The following SLC6A20 variants were observed in gnomAD, a reference collection of about 807,000 sequenced individuals.
SLC6A20 encodes the protein sodium- and chloride-dependent transporter XTRP3.
In SLC6A20, 73 loss-of-function variants were observed where a neutral mutation model predicts 64.3. The ratio of observed to expected loss-of-function variants is 1.14; its 90% CI spans 0.94 to 1.38. SLC6A20 has a LOEUF of 1.38. Among genes scored for constraint, SLC6A20 ranks in the 40% most tolerant of loss-of-function variants. SLC6A20 has a pLI of 0.00. For synonymous variants in SLC6A20, 347 were observed against 329.6 expected (o/e 1.05, Z -0.57); for missense variants, 725 against 772.8 (o/e 0.94, Z 0.73).
chr3:45,762,099 C>T (rs944854285), intron 9 of SLC6A20, among the ~76,000 whole-genome samples: 1 of 152,204 alleles, frequency 6.6e-6, no homozygotes, highest in African/African-American at 2.4e-5. Context: ...GTGCCTCAGG[C>T]CCCCTGGACA....
chr3:45,779,928 C>T, intron 3 of SLC6A20, 81 bp downstream of exon 3: 1 of 1,459,180 alleles, frequency 6.9e-7, no homozygotes, highest in Non-Finnish European at 9.4e-7. Context: ...TGCCCCACAC[C>T]CCCTTCCCCG....
chr3:45,780,188 T>C lies in SLC6A20; in HGVS notation c.263-88A>G. On this transcript the variant is annotated intron_variant, in intron 2 of 10. Coordinates refer to ENST00000358525, the MANE Select transcript of SLC6A20 (RefSeq NM_020208.4). ...AGCGTGTGCTCCCAGGACACACCTGTGGCGACCGCCCCGGGGTGGGCGAGG... is the reference window on the plus strand; with the variant it reads ...AGCGTGTGCTCCCAGGACACACCTGCGGCGACCGCCCCGGGGTGGGCGAGG... 3.0e-6 allele frequency: 4 copies of C among 1,329,644 alleles called. No individual in the cohort carries two copies. In the South Asian group the frequency reaches 5.2e-5, roughly 17 times the overall value. The allele number at this position is 1,329,644 out of a possible 1,614,324, so 82.4% of individuals were successfully genotyped here. A position where few individuals can be genotyped will look rare whatever the true frequency, so the allele number is the denominator to read the frequency against.
At chr3:45,793,192 C>A (rs1700285462) in intron 1 of SLC6A20, among the ~76,000 whole-genome samples, 1 of 152,124 alleles carries the variant, frequency 6.6e-6, no homozygotes, top group Admixed American at 6.5e-5. Flanking sequence ...TGATACTGTC[C>A]CACTGCATAG....
intron 1 of SLC6A20, among the ~76,000 whole-genome samples, chr3:45,794,847 T>C (rs1022362593): frequency 6.6e-6 from 1 of 152,212 alleles, no homozygotes; most frequent in Admixed American, 6.5e-5. Context: ...TTAGAGCACA[T>C]GGTAATGCTG....
intron 1 of SLC6A20, among the ~76,000 whole-genome samples, chr3:45,792,985 C>T (rs549537769): frequency 1.9e-4 from 29 of 152,292 alleles, no homozygotes; most frequent in Non-Finnish European, 3.7e-4. Flanking sequence ...CCTGTCCTCC[C>T]CCACAGGCGT....
At chr3:45,780,238 T>A in intron 2 of SLC6A20, 138 bp from the exon 3 acceptor site, 1 of 707,672 alleles carries the variant, frequency 1.4e-6, no homozygotes, top group Non-Finnish European at 2.4e-6. Context: ...GTTTGTGTGG[T>A]GAGTATTAAG....
chr3:45,791,649 C>A (rs1700253244), intron 1 of SLC6A20: 1 of 159,102 alleles, frequency 6.3e-6, no homozygotes. Flanking sequence ...ACAGGCTGTA[C>A]AGGAAGCATG....
intron 1 of SLC6A20, among the ~76,000 whole-genome samples, chr3:45,793,505 G>C (rs761286041): frequency 6.6e-6 from 1 of 151,020 alleles, no homozygotes; most frequent in Non-Finnish European, 1.5e-5. Flanking sequence ...TATTTTTCTA[G>C]AGCAGGCAGC....
intron 4 of SLC6A20, among the ~76,000 whole-genome samples, chr3:45,774,251 G>C (rs376436657): frequency 2.6e-5 from 4 of 152,150 alleles, no homozygotes; most frequent in South Asian, 4.1e-4. Context: ...TAGATGATAA[G>C]AATAAATAAG....
Position 45,765,502 on chromosome 3 carries a change from G to C in SLC6A20, c.1303+35C>G, listed in dbSNP as rs373538028. ...TTCACCCCCACGCCTTGGCCCTCCT[G>C]ACCCCTGCCTCCTCCACTGGCTGGC... On this transcript the variant is annotated intron_variant, in intron 8 of 10. Transcript: ENST00000358525. The surrounding 1 kb of genome is among the most constrained non-coding windows in gnomAD (Gnocchi z 4.2). The C allele has an allele frequency of 4.4e-6, 7 of 1,590,484 alleles. No homozygotes were observed. Among genetic ancestry groups the C allele is most frequent in the Non-Finnish European group, 6.0e-6 (7 of 1,168,966 alleles).
Position 45,765,473 on chromosome 3 carries a change from C to A in SLC6A20, c.1303+64G>T. 1 of 1,543,850 alleles carries A rather than the reference C, an allele frequency of 6.5e-7. No individual in the cohort carries two copies. The highest frequency in any genetic ancestry group is 2.4e-5 in the East Asian group (1 of 41,536). ...CCCATGACCCCTGAGGGAGCTCTCC[C>A]CTGTTCACCCCCACGCCTTGGCCCT... is the stretch of plus-strand genomic sequence containing the variant. On this transcript the variant is annotated intron_variant, in intron 8 of 10. Coordinates refer to ENST00000358525, the MANE Select transcript of SLC6A20 (RefSeq NM_020208.4). The surrounding 1 kb of genome is among the most constrained non-coding windows in gnomAD (Gnocchi z 4.2).
At chr3:45,760,366 T>C (rs1699648876) in intron 9 of SLC6A20, among the ~76,000 whole-genome samples, 1 of 152,164 alleles carries the variant, frequency 6.6e-6, no homozygotes, top group East Asian at 1.9e-4. Context: ...GGATGGACAT[T>C]TGTCAGGCTG....
rs1373194148 is a variant in SLC6A20 at position 45,757,785 on chromosome 3, T to G, written c.*1193A>C. ...CAGTTACAAGATGCTCTGTTTGAAT[T>G]ATATACATTTTAGAAAACTATGTAC... On this transcript the variant is annotated 3_prime_UTR_variant, in exon 11 of 11. Transcript: ENST00000358525. 6.6e-6 allele frequency: 1 copy of G among 152,430 alleles called. No individual in the cohort carries two copies. The highest frequency in any genetic ancestry group is 1.5e-5 in the Non-Finnish European group (1 of 68,194). 9.4% of individuals were successfully genotyped at this position (152,430 alleles called of 1,614,324 possible).
At position 45,796,460 on chromosome 3, in the gene SLC6A20, G is replaced by A. The variant is rs751809850; in HGVS notation, c.-41C>T. On this transcript the variant is annotated 5_prime_UTR_variant, in exon 1 of 11. Coordinates refer to ENST00000358525, the MANE Select transcript of SLC6A20 (RefSeq NM_020208.4). ...GCGCTCGGCTCCGGCTCGGGGGTCC[G>A]GCACGGCAGTCTCAGTGCGCGGTCG... 3.1e-6 allele frequency: 5 copies of A among 1,590,042 alleles called. No homozygotes were observed. Among genetic ancestry groups the A allele is most frequent in the South Asian group, 1.1e-5 (1 of 88,832 alleles).
At chr3:45,768,249 A>G (rs957634102) in intron 7 of SLC6A20, among the ~76,000 whole-genome samples, 6 of 152,250 alleles carry the variant, frequency 3.9e-5, no homozygotes, top group Non-Finnish European at 5.9e-5. Flanking sequence ...ATATGAAAGG[A>G]AAATTTCAAG....
intron 10 of SLC6A20, 29 bp downstream of exon 10, chr3:45,759,828 A>C: frequency 6.3e-7 from 1 of 1,584,112 alleles, no homozygotes; most frequent in South Asian, 1.2e-5. Flanking sequence ...ATGGGGGCCC[A>C]GCGCCAGCCC....
chr3:45,763,595 T>C (rs11718841), intron 8 of SLC6A20, among the ~76,000 whole-genome samples: 15,860 of 152,222 alleles, frequency 0.1, 1,053 homozygotes, highest in East Asian at 0.16. Context: ...GCCAGGCACT[T>C]GCAATGCGTT....
intron 7 of SLC6A20, among the ~76,000 whole-genome samples, chr3:45,769,065 T>C (rs145345968): frequency 2.0e-5 from 3 of 152,288 alleles, no homozygotes; most frequent in East Asian, 1.9e-4. Flanking sequence ...GATTGCTAGA[T>C]ACAAGGTCAA....
Position 45,796,353 on chromosome 3 carries a change from C to A in SLC6A20, c.67G>T (p.Val23Leu). 1 of 1,613,028 alleles carries A rather than the reference C, an allele frequency of 6.2e-7. No individual in the cohort carries two copies. ...AATCGCCACACGTTGCCCAGGCCCACGGCGTACGAGATGCAGGCGAACACG... is the reference window on the plus strand; with the variant it reads ...AATCGCCACACGTTGCCCAGGCCCAAGGCGTACGAGATGCAGGCGAACACG... The part of the protein sequence containing the change: ...QFVFACISYA[V>L]GLGNVWRFPY... The change falls in exon 1 of 11, where the codon GTG (valine) becomes TTG (leucine). Residue 23 changes from valine (V) to leucine (L), a missense_variant. Coordinates refer to ENST00000358525, the MANE Select transcript of SLC6A20 (RefSeq NM_020208.4).
Sources: allele counts gnomAD v4.1 joint callset (sites outside exome capture counted in the v4.1 genomes callset), GRCh38; gene constraint gnomAD v4.1.1; non-coding constraint Gnocchi (gnomAD v3.1); transcripts MANE v1.5; gene names NCBI Gene and HGNC (gene_info 2026-07-23, HGNC 2026-07-21).